Variants in EREG observed in about 807,000 individuals in gnomAD.
EREG encodes proepiregulin.
In EREG, 23 loss-of-function variants were observed where a neutral mutation model predicts 22.4. The observed-to-expected ratio is 1.03, with a 90% CI of 0.74 to 1.46. The LOEUF is 1.46. Ranked by LOEUF, EREG falls within the 40% of genes most tolerant of loss-of-function variation. EREG has a pLI of 0.00. For missense variants in EREG, 226 were observed against 205.9 expected, an observed-to-expected ratio of 1.10 and a Z score of -0.60; for synonymous variants, 100 against 75.4, an observed-to-expected ratio of 1.33 and a Z score of -1.69.
At position 74,386,925 on chromosome 4, in the gene EREG, G is replaced by A. The variant is rs1009320318; in HGVS notation, c.*2117G>A. On this transcript the variant is annotated 3_prime_UTR_variant, in exon 5 of 5. Transcript: ENST00000244869. ...CCTGCCTCAGCCTCCTGAGCAGCTG[G>A]GACTACAGGCGCATGCCACCATGCC... The A allele has an allele frequency of 6.6e-6, 1 of 152,036 alleles. No individual in the cohort carries two copies. Among genetic ancestry groups the A allele is most frequent in the Non-Finnish European group, 1.5e-5 (1 of 68,098 alleles). 9.4% of individuals were successfully genotyped at this position (152,036 alleles called of 1,614,324 possible). A position where few individuals can be genotyped will look rare whatever the true frequency, so the allele number is the denominator to read the frequency against.
At chr4:74,380,526 C>T (rs940276751) in intron 2 of EREG, among the ~76,000 whole-genome samples, 3 of 152,136 alleles carry the variant, frequency 2.0e-5, no homozygotes, top group African/African-American at 7.2e-5. Flanking sequence ...GTAACCTCAG[C>T]AACTTGAAAA....
rs1298348449 is a variant in EREG, at chr4:74,386,634, A to G, written c.*1826A>G. The G allele has an allele frequency of 6.6e-6, 1 of 152,216 alleles. No individual in the cohort carries two copies. Among genetic ancestry groups the G allele is most frequent in the Non-Finnish European group, 1.5e-5 (1 of 68,040 alleles). The allele number at this position is 152,216 out of a possible 1,614,324, so 9.4% of individuals were successfully genotyped here. ...GTTATTTCTGTTTCCTATTTAATAC[A>G]GCTGAAGTCAAAATATGTAAGAACA... is the stretch of plus-strand genomic sequence containing the variant. On this transcript the variant is annotated 3_prime_UTR_variant, in exon 5 of 5. Coordinates refer to ENST00000244869, the MANE Select transcript of EREG (RefSeq NM_001432.3).
rs1359542425 is a variant in EREG at position 74,382,708 on chromosome 4, A to G, written c.342A>G (p.Leu114=). The G allele has an allele frequency of 6.2e-7, 1 of 1,613,646 alleles. No individual in the cohort carries two copies. The highest frequency in any genetic ancestry group is 1.7e-5 in the Admixed American group (1 of 60,016). ...TCTTTTTAACCGTCCACCAACCTTT[A>G]AGCAAAGAATATGTGGCTTTGACCG... ...EHFFLTVHQP[L]SKEYVALTVI... is the part of the protein sequence containing the mutation. The change falls in exon 4 of 5, where the codon TTA becomes TTG. Residue 114 remains leucine (L), a synonymous_variant. Coordinates refer to ENST00000244869, the MANE Select transcript of EREG (RefSeq NM_001432.3).
intron 1 of EREG, among the ~76,000 whole-genome samples, chr4:74,373,037 G>A (rs539642993): frequency 6.2e-4 from 85 of 136,344 alleles, no homozygotes; most frequent in Admixed American, 9.7e-4. Flanking sequence ...GGATGGTCTC[G>A]ATCTCTTGAC....
chr4:74,371,593 T>C (rs1752290105), intron 1 of EREG, among the ~76,000 whole-genome samples: 1 of 152,234 alleles, frequency 6.6e-6, no homozygotes, highest in Non-Finnish European at 1.5e-5. Context: ...GTTCATACTG[T>C]TTTCCTTGGA....
chr4:74,371,760 C>G (rs1752294011), intron 1 of EREG, among the ~76,000 whole-genome samples: 1 of 152,040 alleles, frequency 6.6e-6, no homozygotes, highest in South Asian at 2.1e-4. Context: ...ACATTAAACT[C>G]AAATATGTTC....
chr4:74,385,879 T>C lies in EREG; in HGVS notation c.*1071T>C, dbSNP rs999733983. 2.3e-5 allele frequency: 9 copies of C among 396,754 alleles called. No individual in the cohort carries two copies. The highest frequency in any genetic ancestry group is 4.0e-5 in the Non-Finnish European group (9 of 224,932). The allele number at this position is 396,754 out of a possible 1,614,324, so 24.6% of individuals were successfully genotyped here. ...TGGCTTCTTCTAGAATGTAAAGTTA[T>C]GTATTTAAAGTTGTATCTTGACACA... On this transcript the variant is annotated 3_prime_UTR_variant, in exon 5 of 5. Coordinates refer to ENST00000244869, the MANE Select transcript of EREG (RefSeq NM_001432.3).
rs1389425073 is a variant in EREG at position 74,388,473 on chromosome 4, A to T, written c.*3665A>T. Reference sequence around the variant, plus strand: ...CTGTAATTGCACTTTTTAAGTTTGAAGAGCCATTTTGGTAAACGGTTTTTA... The same window carrying T: ...CTGTAATTGCACTTTTTAAGTTTGATGAGCCATTTTGGTAAACGGTTTTTA... On this transcript the variant is annotated 3_prime_UTR_variant, in exon 5 of 5. Transcript: ENST00000244869. The T allele has an allele frequency of 6.6e-6, 1 of 152,546 alleles. No individual in the cohort carries two copies. Among genetic ancestry groups the T allele is most frequent in the Non-Finnish European group, 1.5e-5 (1 of 67,996 alleles). 9.4% of individuals were successfully genotyped at this position (152,546 alleles called of 1,614,324 possible).
intron 1 of EREG, among the ~76,000 whole-genome samples, chr4:74,377,086 A>C (rs1272502871): frequency 6.6e-6 from 1 of 151,970 alleles, no homozygotes; most frequent in Non-Finnish European, 1.5e-5. Context: ...GGCACTGTCC[A>C]CATACACTGC....
At position 74,387,670 on chromosome 4, in the gene EREG, G is replaced by C. The variant is rs562494608; in HGVS notation, c.*2862G>C. ...TGATGTGTCCTGTACACAGTGGGAA[G>C]ATTTTAGTTCACACTTAGTCTAACT... is the stretch of plus-strand genomic sequence containing the variant. On this transcript the variant is annotated 3_prime_UTR_variant, in exon 5 of 5. Transcript: ENST00000244869. 1.3e-5 allele frequency: 2 copies of C among 152,210 alleles called. No homozygotes were observed. The highest frequency in any genetic ancestry group is 4.8e-5 in the African/African-American group (2 of 41,540). The allele number at this position is 152,210 out of a possible 1,614,324, so 9.4% of individuals were successfully genotyped here. A position where few individuals can be genotyped will look rare whatever the true frequency, so the allele number is the denominator to read the frequency against.
chr4:74,369,695 G>A (rs1424382390), intron 1 of EREG, among the ~76,000 whole-genome samples: 1 of 152,012 alleles, frequency 6.6e-6, no homozygotes, highest in Non-Finnish European at 1.5e-5. Flanking sequence ...CTTTATATAT[G>A]TAAGTTTTAT....
intron 1 of EREG, among the ~76,000 whole-genome samples, chr4:74,368,194 C>T (rs1008021198): frequency 2.6e-5 from 4 of 152,176 alleles, no homozygotes; most frequent in African/African-American, 9.7e-5. Context: ...AGGCACAGCA[C>T]ATGTACAAAT....
chr4:74,380,988 T>C, intron 2 of EREG, 26 bp from the exon 3 acceptor site: 1 of 1,608,242 alleles, frequency 6.2e-7, no homozygotes, highest in South Asian at 1.1e-5. Context: ...CTGCAGAATA[T>C]ATTCAACTTT....
rs1253827579 is a variant in EREG at position 74,371,787 on chromosome 4, C to T, written c.67+6412C>T. Among the ~76,000 whole-genome samples, 3 of 151,848 alleles carry T rather than the reference C, an allele frequency of 2.0e-5. No homozygotes were observed. In the South Asian group the frequency reaches 6.2e-4, roughly 32 times the overall value. On this transcript the variant is annotated intron_variant, in intron 1 of 4. Transcript: ENST00000244869. ...AATATGTTCACTCCCTTCATGCCTT[C>T]ATGCCCAAATGCCACCACAAGCCTG...
chr4:74,367,060 T>C (rs747990668), intron 1 of EREG, among the ~76,000 whole-genome samples: 1 of 152,210 alleles, frequency 6.6e-6, no homozygotes, highest in Non-Finnish European at 1.5e-5. Context: ...TTTTCCCAAA[T>C]CTTGTCCTTC....
Position 74,384,931 on chromosome 4 carries a change from C to T in EREG, c.*123C>T, listed in dbSNP as rs555274416. 21 of 495,904 alleles carry T rather than the reference C, an allele frequency of 4.2e-5. No homozygotes were observed. Among genetic ancestry groups the T allele is most frequent in the Non-Finnish European group, 6.8e-5 (19 of 278,194 alleles). 30.7% of individuals were successfully genotyped at this position (495,904 alleles called of 1,614,324 possible). A position where few individuals can be genotyped will look rare whatever the true frequency, so the allele number is the denominator to read the frequency against. ...GTCAATAACACTGTATTTTAATGTA[C>T]TTGAAAAATGTTTTTATTTTTGTTT... On this transcript the variant is annotated 3_prime_UTR_variant, in exon 5 of 5. Transcript: ENST00000244869.
chr4:74,372,974 A>ATTTTTTTTTTTTTTTTTTTTTTTTTTT (rs35483998), intron 1 of EREG, among the ~76,000 whole-genome samples: 2 of 63,148 alleles, frequency 3.2e-5, no homozygotes, highest in Non-Finnish European at 2.9e-5. Context: ...CATCTGGCTA[A>ATTTTTTTTTTTTTTTTTTTTTTTTTTT]TTTTTTTTTT....
At chr4:74,377,976 T>C (rs1752409596) in intron 1 of EREG, among the ~76,000 whole-genome samples, 1 of 152,210 alleles carries the variant, frequency 6.6e-6, no homozygotes, top group South Asian at 2.1e-4. Flanking sequence ...TGGTACATAG[T>C]ACATGTTCAA....
chr4:74,382,052 C>G (rs982771146), intron 3 of EREG: 1 of 147,558 alleles, frequency 6.8e-6, no homozygotes, highest in South Asian at 2.1e-4. Flanking sequence ...ACCCTGTAAC[C>G]CCAGCACTTT....
Sources: gnomAD v4.1 joint callset for allele counts (sites outside exome capture counted in the v4.1 genomes callset) on GRCh38, gnomAD v4.1.1 for gene constraint, MANE v1.5 for transcripts, NCBI Gene and HGNC (gene_info 2026-07-23, HGNC 2026-07-21) for gene names.